ATG10: variants seen among roughly 807,000 people sequenced by gnomAD.
The protein encoded by ATG10 is autophagy related 10.
In ATG10, 30 loss-of-function variants were observed where a neutral mutation model predicts 32.1. That is an observed-to-expected ratio of 0.94 (90% CI 0.70 to 1.27). The LOEUF (loss-of-function observed/expected upper bound fraction) is 1.27, where lower values mean the gene tolerates loss of function less well. Among genes scored for constraint, ATG10 ranks in the 50% most tolerant of loss-of-function variants. The probability of loss-of-function intolerance (pLI) is 0.00; values close to 1 mark genes in which losing one functional copy is unlikely to be tolerated. For missense variants in ATG10, 233 were observed against 262.3 expected (o/e 0.89, Z 0.77); for synonymous variants, 87 against 91.5 (o/e 0.95, Z 0.28).
intron 2 of ATG10, among the ~76,000 whole-genome samples, chr5:82,004,536 A>G (rs1175013972): frequency 2.6e-5 from 4 of 152,228 alleles, no homozygotes; most frequent in African/African-American, 9.6e-5. Flanking sequence ...CAATGTTAGG[A>G]TAAAGAAGTG....
At chr5:82,142,581 C>G (rs1767196735) in intron 3 of ATG10, among the ~76,000 whole-genome samples, 1 of 152,142 alleles carries the variant, frequency 6.6e-6, no homozygotes, top group Admixed American at 6.5e-5. Flanking sequence ...AGCAAAGAGC[C>G]TCAGATGCCA....
At chr5:82,119,119 C>T (rs937539906) in intron 3 of ATG10, among the ~76,000 whole-genome samples, 2 of 152,100 alleles carry the variant, frequency 1.3e-5, no homozygotes, top group Non-Finnish European at 2.9e-5. Context: ...CTATGAAATC[C>T]AAATAAAATT....
At chr5:82,109,307 A>C (rs765746423) in intron 3 of ATG10, among the ~76,000 whole-genome samples, 1 of 152,052 alleles carries the variant, frequency 6.6e-6, no homozygotes, top group Non-Finnish European at 1.5e-5. Context: ...AGGAGAGGTC[A>C]TTAGATTTGT....
At chr5:82,170,063 G>A (rs937762283) in intron 4 of ATG10, among the ~76,000 whole-genome samples, 24 of 152,252 alleles carry the variant, frequency 1.6e-4, no homozygotes, top group African/African-American at 5.5e-4. Flanking sequence ...TAGCCAAAAG[G>A]TTTATTCTAA....
At chr5:82,070,239 A>C (rs1237445091) in intron 3 of ATG10, among the ~76,000 whole-genome samples, 3 of 152,200 alleles carry the variant, frequency 2.0e-5, no homozygotes, top group Admixed American at 2.0e-4. Flanking sequence ...GGAGGGTACA[A>C]CAGCCTGGCA....
At chr5:82,026,354 C>T (rs1182105095) in intron 2 of ATG10, among the ~76,000 whole-genome samples, 1 of 152,098 alleles carries the variant, frequency 6.6e-6, no homozygotes, top group Non-Finnish European at 1.5e-5. Flanking sequence ...TATATACGTG[C>T]CGCATTTTGT....
chr5:82,085,604 C>T (rs945615084), intron 3 of ATG10, among the ~76,000 whole-genome samples: 4 of 151,366 alleles, frequency 2.6e-5, no homozygotes, highest in Admixed American at 2.0e-4. Context: ...AAACCTGCAC[C>T]TTGTGTCCAT....
chr5:82,213,340 T>A (rs1745562231), intron 5 of ATG10, among the ~76,000 whole-genome samples: 1 of 152,230 alleles, frequency 6.6e-6, no homozygotes, highest in South Asian at 2.1e-4. Context: ...TCTTGCCTTG[T>A]CTGTTTCCAG....
At chr5:82,153,288 GA>G (rs921225915) in intron 3 of ATG10, among the ~76,000 whole-genome samples, 2 of 152,124 alleles carry the variant, frequency 1.3e-5, no homozygotes, top group African/African-American at 4.8e-5. Context: ...TTAGTTAGTT[GA>G]ATGTATATGT....
intron 5 of ATG10, among the ~76,000 whole-genome samples, chr5:82,227,806 TACTC>T (rs1485128363): frequency 6.6e-6 from 1 of 152,226 alleles, no homozygotes; most frequent in Non-Finnish European, 1.5e-5. Flanking sequence ...CATTTATGCT[TACTC>T]TATCTTAGTT....
At chr5:82,007,231 T>A (rs1234250337) in intron 2 of ATG10, among the ~76,000 whole-genome samples, 2 of 152,196 alleles carry the variant, frequency 1.3e-5, no homozygotes, top group African/African-American at 2.4e-5. Context: ...AAGAGAGAAT[T>A]TGGAGTGAAT....
intron 2 of ATG10, among the ~76,000 whole-genome samples, chr5:82,056,851 A>G (rs1216178917): frequency 6.6e-6 from 1 of 152,216 alleles, no homozygotes; most frequent in South Asian, 2.1e-4. Flanking sequence ...AACAGTGGCA[A>G]TGACAACAGT....
In ATG10 at chr5:82,139,750, C is replaced by T. The variant is rs1213387312; in HGVS notation, c.217-24649C>T. 2.4e-4 allele frequency among the ~76,000 whole-genome samples: 27 copies of T among 112,034 alleles called. 1 individual carries two copies. Among genetic ancestry groups the T allele is most frequent in the Admixed American group, 4.2e-4 (5 of 11,904 alleles). The allele number at this position is 112,034 out of a possible 152,430, so 73.5% of individuals were successfully genotyped here. ...CCCCTGCCCGGCCAGCCGCCCCGTC[C>T]GGGAGGCGAGGGGCGCCTCTGCCCG... On this transcript the variant is annotated intron_variant, in intron 3 of 7. Transcript: ENST00000282185.
At chr5:82,249,404 A>G (rs1561378595) in intron 5 of ATG10, among the ~76,000 whole-genome samples, 1 of 152,180 alleles carries the variant, frequency 6.6e-6, no homozygotes. Context: ...TCCTATTTTT[A>G]GATTGAAATT....
intron 5 of ATG10, among the ~76,000 whole-genome samples, chr5:82,237,384 C>T (rs1352462588): frequency 6.6e-6 from 1 of 152,096 alleles, no homozygotes; most frequent in African/African-American, 2.4e-5. Flanking sequence ...TGGCTCACAC[C>T]TGTAATCTCA....
At chr5:82,130,553 A>G (rs1448118639) in intron 3 of ATG10, among the ~76,000 whole-genome samples, 1 of 152,040 alleles carries the variant, frequency 6.6e-6, no homozygotes, top group Non-Finnish European at 1.5e-5. Context: ...TGAGTGCACC[A>G]TTCCTTAAGG....
chr5:82,175,209 T>C (rs1462786528), intron 4 of ATG10, among the ~76,000 whole-genome samples: 3 of 152,192 alleles, frequency 2.0e-5, no homozygotes, highest in Admixed American at 2.0e-4. Flanking sequence ...GTGCTTATTC[T>C]GAAGAAAAAG....
chr5:82,152,036 C>T (rs1187656327), intron 3 of ATG10, among the ~76,000 whole-genome samples: 3 of 152,182 alleles, frequency 2.0e-5, no homozygotes, highest in Non-Finnish European at 4.4e-5. Context: ...AGATTTAAAA[C>T]ACACAAAGAA....
At chr5:81,993,893 T>C (rs1021469838) in intron 2 of ATG10, among the ~76,000 whole-genome samples, 3 of 152,214 alleles carry the variant, frequency 2.0e-5, no homozygotes, top group Non-Finnish European at 4.4e-5. Flanking sequence ...TACTGGTTGA[T>C]AGTATATTGT....
Sources: allele counts gnomAD v4.1 joint callset (sites outside exome capture counted in the v4.1 genomes callset), GRCh38; gene constraint gnomAD v4.1.1; transcripts MANE v1.5; gene names NCBI Gene and HGNC (gene_info 2026-07-23, HGNC 2026-07-21).